DNAH14: variants seen among roughly 807,000 people sequenced by gnomAD.
DNAH14 encodes the protein axonemal beta dynein heavy chain 14.
Under a neutral mutation model 520.9 loss-of-function variants are expected in DNAH14, and 478 were observed. That is an observed-to-expected ratio of 0.92 (90% CI 0.85 to 0.99). DNAH14 has a LOEUF of 0.99. Ranked by LOEUF, DNAH14 falls within the 50% of genes least tolerant of loss-of-function variation. The probability of loss-of-function intolerance (pLI) is 0.00; values close to 1 mark genes in which losing one functional copy is unlikely to be tolerated. For missense variants in DNAH14, 4,831 were observed against 5,234.5 expected (o/e 0.92, Z 2.38); for synonymous variants, 1,581 against 1,757.2 (o/e 0.90, Z 2.51).
intron 51 of DNAH14, 128 bp downstream of exon 51, chr1:225,272,201 C>A: frequency 1.1e-6 from 1 of 885,528 alleles, no homozygotes; most frequent in South Asian, 1.8e-5. Flanking sequence ...CTATTAGCAG[C>A]TTATCTCATG....
chr1:225,187,868 A>T (rs886338989), intron 37 of DNAH14, among the ~76,000 whole-genome samples: 1 of 151,384 alleles, frequency 6.6e-6, no homozygotes, highest in Non-Finnish European at 1.5e-5. Flanking sequence ...TGATCTGCAA[A>T]TTTTTTTTCC....
Position 225,300,925 on chromosome 1 carries a change from G to T in DNAH14, c.8526G>T (p.Leu2842=). The change falls in exon 56 of 86, where the codon CTG becomes CTT. Residue 2842 remains leucine (L), a synonymous_variant. Transcript: ENST00000682510. ...TCAGTTCAGGAAGAATACCTGACCT[G>T]TTTGAAAATGTTGAGCTGGATTCTA... ...YIISSGRIPD[L]FENVELDSIA... is the part of the protein sequence containing the mutation. 1.3e-6 allele frequency: 2 copies of T among 1,551,410 alleles called. No individual in the cohort carries two copies. Among genetic ancestry groups the T allele is most frequent in the Non-Finnish European group, 1.7e-6 (2 of 1,146,894 alleles).
In DNAH14 at chr1:225,049,047, A is replaced by ATTTTTTTTTTTT. The variant is rs71170051; in HGVS notation, c.1913-1144_1913-1133dup. On this transcript the variant is annotated intron_variant, in intron 15 of 85. Coordinates refer to ENST00000682510, the MANE Select transcript of DNAH14 (RefSeq NM_001367479.1). ...AAATGTCTTTTTAGATCTCTTGCCTATTTTTTTTTTTTTTTTTTTTTTTTT... is the reference window on the plus strand; with the variant it reads ...AAATGTCTTTTTAGATCTCTTGCCTATTTTTTTTTTTTTTTTTTTTTTTTTTTTTTTTTTTTT... Among the ~76,000 whole-genome samples, 4 of 56,278 alleles carry ATTTTTTTTTTTT rather than the reference A, an allele frequency of 7.1e-5. 1 individual carries two copies. The highest frequency in any genetic ancestry group is 2.5e-4 in the African/African-American group (3 of 12,062). The allele number at this position is 56,278 out of a possible 152,430, so 36.9% of individuals were successfully genotyped here. A position where few individuals can be genotyped will look rare whatever the true frequency, so the allele number is the denominator to read the frequency against.
chr1:225,079,786 G>A (rs1345154937), intron 18 of DNAH14, among the ~76,000 whole-genome samples: 1 of 144,992 alleles, frequency 6.9e-6, no homozygotes, highest in Non-Finnish European at 1.5e-5. Context: ...CCATTCTCCT[G>A]CCTCAGCCTC....
chr1:225,238,857 C>T (rs1044023808), intron 42 of DNAH14, among the ~76,000 whole-genome samples: 4 of 152,054 alleles, frequency 2.6e-5, no homozygotes, highest in Admixed American at 6.6e-5. Flanking sequence ...CCAGTGAAGA[C>T]GAATGAATTG....
At chr1:225,330,995 T>C (rs1047796625) in intron 64 of DNAH14, among the ~76,000 whole-genome samples, 1 of 152,192 alleles carries the variant, frequency 6.6e-6, no homozygotes, top group African/African-American at 2.4e-5. Flanking sequence ...AAAATATGTT[T>C]TCCACTAACA....
intron 27 of DNAH14, among the ~76,000 whole-genome samples, chr1:225,128,224 T>C (rs1190289899): frequency 6.6e-6 from 1 of 152,126 alleles, no homozygotes; most frequent in Non-Finnish European, 1.5e-5. Context: ...TGTGGTGTTC[T>C]CTGTGTTTCC....
intron 43 of DNAH14, among the ~76,000 whole-genome samples, chr1:225,248,986 CT>C (rs2092429445): frequency 6.6e-6 from 1 of 152,222 alleles, no homozygotes; most frequent in South Asian, 2.1e-4. Context: ...TCCCCAGCAC[CT>C]GGGTGCATAA....
chr1:225,197,677 A>G (rs567616236), intron 38 of DNAH14, among the ~76,000 whole-genome samples: 2 of 152,296 alleles, frequency 1.3e-5, no homozygotes, highest in East Asian at 1.9e-4. Context: ...ATCCATGAGC[A>G]TGGAATGTGT....
At chr1:225,077,555 T>C (rs1391194898) in intron 17 of DNAH14, among the ~76,000 whole-genome samples, 1 of 152,212 alleles carries the variant, frequency 6.6e-6, no homozygotes, top group African/African-American at 2.4e-5. Context: ...GTTTACTCAG[T>C]CTACTGACAC....
intron 5 of DNAH14, 122 bp from the exon 6 acceptor site, chr1:224,967,306 ATTC>A (rs2061240249): frequency 1.9e-6 from 1 of 527,074 alleles, no homozygotes; most frequent in African/African-American, 2.0e-5. Context: ...CAAATATAGT[ATTC>A]TTATTTTTAA....
At position 225,367,880 on chromosome 1, in the gene DNAH14, A is replaced by C. The variant is rs780126775; in HGVS notation, c.12166A>C (p.Thr4056Pro). 4.5e-6 allele frequency: 7 copies of C among 1,551,654 alleles called. No homozygotes were observed. The Admixed American group carries it at 1.2e-4, about 26-fold the overall frequency. The stretch of plus-strand genomic sequence containing the variant: ...TGGATGTACTGGGAGTGGAGAGGTA[A>C]CAGAAGAGATATTTGAAAATCCTGA... ...TFGCTGSGEVTEEIFENPDCG... is the reference protein window; with the variant it reads ...TFGCTGSGEVPEEIFENPDCG... Residue 4056 changes from threonine to proline, a missense_variant, in exon 77 of 86, where the codon ACA (threonine) becomes CCA (proline). By Grantham distance (38) the Thr-to-Pro change is conservative. Coordinates refer to ENST00000682510, the MANE Select transcript of DNAH14 (RefSeq NM_001367479.1).
chr1:224,970,758 A>C (rs1464089931), intron 7 of DNAH14, among the ~76,000 whole-genome samples: 1 of 152,162 alleles, frequency 6.6e-6, no homozygotes, highest in Non-Finnish European at 1.5e-5. Context: ...ATGTGGAAGA[A>C]AATGTACATA....
chr1:224,950,400 ACT>A (rs1351392113), intron 1 of DNAH14, among the ~76,000 whole-genome samples: 1 of 152,082 alleles, frequency 6.6e-6, no homozygotes, highest in Non-Finnish European at 1.5e-5. Context: ...TGAAAACTTG[ACT>A]CTGTATAAAA....
At chr1:225,093,030 A>G (rs1289489447) in intron 21 of DNAH14, among the ~76,000 whole-genome samples, 2 of 151,646 alleles carry the variant, frequency 1.3e-5, no homozygotes, top group Non-Finnish European at 3.0e-5. Context: ...ATCTGTAATA[A>G]AAAGCTCAAG....
At chr1:225,102,387 A>G (rs921190697) in intron 23 of DNAH14, among the ~76,000 whole-genome samples, 5 of 152,024 alleles carry the variant, frequency 3.3e-5, no homozygotes, top group Non-Finnish European at 5.9e-5. Flanking sequence ...ATGATTTATA[A>G]TCCTTTGGGT....
chr1:225,124,295 T>C (rs534383218), intron 27 of DNAH14, among the ~76,000 whole-genome samples: 2 of 152,316 alleles, frequency 1.3e-5, no homozygotes, highest in Admixed American at 1.3e-4. Context: ...GTTTGCCACA[T>C]GGCTTGACTC....
At chr1:225,268,416 C>A (rs1435734824) in intron 49 of DNAH14, among the ~76,000 whole-genome samples, 1 of 152,190 alleles carries the variant, frequency 6.6e-6, no homozygotes, top group South Asian at 2.1e-4. Flanking sequence ...TGAAAACTGG[C>A]ACAAGACAGG....
chr1:225,019,943 G>C (rs1422955076), intron 10 of DNAH14, among the ~76,000 whole-genome samples: 1 of 151,928 alleles, frequency 6.6e-6, no homozygotes, highest in Admixed American at 6.6e-5. Flanking sequence ...ATTGCACCTA[G>C]AGGAACCAGA....
Sources: gnomAD v4.1 joint callset for allele counts (sites outside exome capture counted in the v4.1 genomes callset) on GRCh38, gnomAD v4.1.1 for gene constraint, MANE v1.5 for transcripts, NCBI Gene and HGNC (gene_info 2026-07-23, HGNC 2026-07-21) for gene names.